The following NUS1 variants were observed in gnomAD, a reference collection of about 807,000 sequenced individuals.
NUS1 encodes the protein dehydrodolichyl diphosphate synthase complex subunit NUS1.
For missense variants in NUS1, 292 were observed against 382.9 expected (o/e 0.76, Z 1.98); for synonymous variants, 135 against 155.2 (o/e 0.87, Z 0.97).
At chr6:117,701,139 G>A (rs1479356688) in intron 3 of NUS1, among the ~76,000 whole-genome samples, 1 of 151,042 alleles carries the variant, frequency 6.6e-6, no homozygotes, top group African/African-American at 2.4e-5. Flanking sequence ...GATATGGATT[G>A]AATTGAATCT....
At position 117,694,210 on chromosome 6, in the gene NUS1, T is replaced by C. The variant is rs756268775; in HGVS notation, c.691+30T>C. The C allele has an allele frequency of 1.2e-5, 14 of 1,212,262 alleles. No homozygotes were observed. The East Asian group carries it at 3.0e-4, about 26-fold the overall frequency. The allele number at this position is 1,212,262 out of a possible 1,614,324, so 75.1% of individuals were successfully genotyped here. On this transcript the variant is annotated intron_variant, in intron 3 of 4. Coordinates refer to ENST00000368494, the MANE Select transcript of NUS1 (RefSeq NM_138459.5). Reference sequence around the variant, plus strand: ...GTTTTTTTATATATATATACATATATATGTATATGTATGTGTGTGTGTTTA... The same window carrying C: ...GTTTTTTTATATATATATACATATACATGTATATGTATGTGTGTGTGTTTA...
At chr6:117,700,742 G>A (rs1000663107) in intron 3 of NUS1, among the ~76,000 whole-genome samples, 1 of 152,172 alleles carries the variant, frequency 6.6e-6, no homozygotes, top group African/African-American at 2.4e-5. Flanking sequence ...TAAAGAAAAT[G>A]TACATATGGA....
intron 1 of NUS1, among the ~76,000 whole-genome samples, chr6:117,686,225 A>C (rs1014557041): frequency 6.6e-6 from 1 of 151,798 alleles, no homozygotes; most frequent in Non-Finnish European, 1.5e-5. Flanking sequence ...GCGCCACTGC[A>C]CTCCAGCCTG....
chr6:117,677,706 A>G (rs578077310), intron 1 of NUS1, among the ~76,000 whole-genome samples: 1 of 152,306 alleles, frequency 6.6e-6, no homozygotes, highest in East Asian at 1.9e-4. Flanking sequence ...TGTCATCACC[A>G]AATGATGATT....
At chr6:117,697,802 C>G (rs541359845) in intron 3 of NUS1, among the ~76,000 whole-genome samples, 1 of 151,956 alleles carries the variant, frequency 6.6e-6, no homozygotes, top group South Asian at 2.1e-4. Context: ...CACTGTAGAC[C>G]AAATGGATCT....
At chr6:117,693,313 T>C in intron 2 of NUS1, 146 bp downstream of exon 2, 2 of 977,454 alleles carry the variant, frequency 2.0e-6, no homozygotes, top group Non-Finnish European at 3.1e-6. Flanking sequence ...GATTTAGACT[T>C]TCTCGTCTTA....
At chr6:117,689,825 C>G (rs972004512) in intron 1 of NUS1, among the ~76,000 whole-genome samples, 2 of 152,134 alleles carry the variant, frequency 1.3e-5, no homozygotes, top group East Asian at 3.9e-4. Context: ...CTTGGCCTCC[C>G]AAAGTGCTGG....
In NUS1 at chr6:117,690,692, A is replaced by C. The variant is rs147162503; in HGVS notation, c.416-2350A>C. Among the ~76,000 whole-genome samples the C allele has an allele frequency of 1.1e-4, 16 of 152,082 alleles. No homozygotes were observed. In the East Asian group the frequency reaches 3.1e-3, roughly 29 times the overall value. On this transcript the variant is annotated intron_variant, in intron 1 of 4. Coordinates refer to ENST00000368494, the MANE Select transcript of NUS1 (RefSeq NM_138459.5). ...ACAAGTTCTCTTTGTGGAATTTTCA[A>C]CTTTTAAAAATGTTATCGGCTGGGT...
chr6:117,688,562 C>G (rs1261311494), intron 1 of NUS1, among the ~76,000 whole-genome samples: 1 of 151,948 alleles, frequency 6.6e-6, no homozygotes, highest in Non-Finnish European at 1.5e-5. Context: ...CTCTTCCAGT[C>G]TTGTTCTTAA....
intron 3 of NUS1, among the ~76,000 whole-genome samples, chr6:117,696,002 T>A (rs1316068791): frequency 6.6e-6 from 1 of 152,106 alleles, no homozygotes; most frequent in Non-Finnish European, 1.5e-5. Flanking sequence ...TGTATGACTG[T>A]TTGTGTACAA....
At chr6:117,702,870 AC>A (rs1270361053) in intron 3 of NUS1, among the ~76,000 whole-genome samples, 1 of 152,174 alleles carries the variant, frequency 6.6e-6, no homozygotes, top group African/African-American at 2.4e-5. Context: ...AACTATTGGA[AC>A]CTTAGTCTCT....
At chr6:117,698,192 A>G (rs1045420843) in intron 3 of NUS1, among the ~76,000 whole-genome samples, 2 of 151,964 alleles carry the variant, frequency 1.3e-5, no homozygotes, top group African/African-American at 2.4e-5. Flanking sequence ...CAGAGCAGAA[A>G]TGAATGAATT....
rs556367239 is a variant in NUS1, at chr6:117,710,474, A to G, written c.*3459A>G. The G allele has an allele frequency of 1.7e-4, 26 of 152,314 alleles. No individual in the cohort carries two copies. The highest frequency in any genetic ancestry group is 2.6e-4 in the Non-Finnish European group (18 of 67,996). 9.4% of individuals were successfully genotyped at this position (152,314 alleles called of 1,614,324 possible). ...AAAAGAATTTCTTAAGGTTTAAAAA[A>G]TACACTTTTCATTATAGGAAAAAGA... On this transcript the variant is annotated 3_prime_UTR_variant, in exon 5 of 5. Transcript: ENST00000368494.
chr6:117,706,576 A>G (rs938274755), intron 4 of NUS1, among the ~76,000 whole-genome samples: 4 of 152,196 alleles, frequency 2.6e-5, no homozygotes, highest in African/African-American at 9.6e-5. Context: ...ATTGTCCACA[A>G]TGAGCTGAAC....
intron 1 of NUS1, among the ~76,000 whole-genome samples, chr6:117,680,833 A>G (rs1386704311): frequency 6.6e-6 from 1 of 152,214 alleles, no homozygotes; most frequent in African/African-American, 2.4e-5. Flanking sequence ...ACAGTAAGAC[A>G]ACAAATTTTT....
intron 2 of NUS1, among the ~76,000 whole-genome samples, chr6:117,693,429 G>A (rs1475397511): frequency 1.3e-5 from 2 of 152,136 alleles, no homozygotes; most frequent in Admixed American, 6.5e-5. Context: ...TAGAGATATT[G>A]AAATGAATAT....
intron 1 of NUS1, among the ~76,000 whole-genome samples, chr6:117,685,910 C>T (rs1473309395): frequency 6.6e-6 from 1 of 151,002 alleles, no homozygotes; most frequent in Non-Finnish European, 1.5e-5. Flanking sequence ...TGCAGTGAGC[C>T]GAGATCGCGC....
At chr6:117,699,281 C>T (rs1027358940) in intron 3 of NUS1, among the ~76,000 whole-genome samples, 3 of 152,102 alleles carry the variant, frequency 2.0e-5, no homozygotes, top group African/African-American at 7.2e-5. Flanking sequence ...AACAGATAAA[C>T]ACATTCAGTA....
At chr6:117,699,035 C>T (rs974425147) in intron 3 of NUS1, among the ~76,000 whole-genome samples, 1 of 152,072 alleles carries the variant, frequency 6.6e-6, no homozygotes, top group Non-Finnish European at 1.5e-5. Context: ...ATGATGGACC[C>T]ATAGCTACTA....
Sources: allele counts gnomAD v4.1 joint callset (sites outside exome capture counted in the v4.1 genomes callset), GRCh38; gene constraint gnomAD v4.1.1; transcripts MANE v1.5; gene names NCBI Gene and HGNC (gene_info 2026-07-23, HGNC 2026-07-21).